PRKG2: variants seen among roughly 807,000 people sequenced by gnomAD.
The protein encoded by PRKG2 is protein kinase cGMP-dependent 2.
A neutral mutation model predicts 97.2 loss-of-function variants in PRKG2; 33 were observed. That is an observed-to-expected ratio of 0.34 (90% CI 0.26 to 0.45). The LOEUF (loss-of-function observed/expected upper bound fraction) is 0.45. PRKG2 is among the 20% of genes least tolerant of loss of function. The pLI is 1.00. For missense variants in PRKG2, 638 were observed against 900.0 expected, an observed-to-expected ratio of 0.71 and a Z score of 3.73; for synonymous variants, 330 against 321.8, an observed-to-expected ratio of 1.03 and a Z score of -0.27.
At chr4:81,140,812 T>C in intron 11 of PRKG2, 143 bp from the exon 12 acceptor site, 1 of 586,780 alleles carries the variant, frequency 1.7e-6, no homozygotes, top group Non-Finnish European at 2.8e-6. Flanking sequence ...CATTCAAGTG[T>C]ACACACTTCC....
chr4:81,216,982 A>G (rs1376918979), upstream of PRKG2, among the ~76,000 whole-genome samples: 4 of 145,674 alleles, frequency 2.7e-5, no homozygotes, highest in Non-Finnish European at 6.0e-5. Context: ...GGTGATAGGT[A>G]CACAGTGTAT....
intron 1 of PRKG2, among the ~76,000 whole-genome samples, chr4:81,206,411 T>C (rs1753655271): frequency 6.6e-6 from 1 of 152,196 alleles, no homozygotes; most frequent in Non-Finnish European, 1.5e-5. Flanking sequence ...TCTCATGAGA[T>C]CTGATGGTTT....
At chr4:81,146,091 T>C (rs1747833720) in intron 9 of PRKG2, among the ~76,000 whole-genome samples, 1 of 152,200 alleles carries the variant, frequency 6.6e-6, no homozygotes, top group Non-Finnish European at 1.5e-5. Flanking sequence ...AATTTTCTAA[T>C]CTCCAATAGT....
intron 1 of PRKG2, among the ~76,000 whole-genome samples, chr4:81,210,081 T>C (rs1753888777): frequency 6.6e-6 from 1 of 152,002 alleles, no homozygotes; most frequent in Admixed American, 6.6e-5. Flanking sequence ...AAAAATTAGC[T>C]TAAAATGGAT....
At chr4:81,142,980 C>T (rs979119112) in intron 10 of PRKG2, 33 bp from the exon 11 acceptor site, 4 of 1,563,696 alleles carry the variant, frequency 2.6e-6, no homozygotes, top group Middle Eastern at 1.7e-4. Context: ...TACACACACA[C>T]ACCCATAATT....
At chr4:81,147,053 T>C (rs1272439409) in intron 9 of PRKG2, among the ~76,000 whole-genome samples, 1 of 152,218 alleles carries the variant, frequency 6.6e-6, no homozygotes, top group Non-Finnish European at 1.5e-5. Context: ...TGTCTCATTG[T>C]GCCTAATGCA....
In PRKG2 at chr4:81,153,554, A is replaced by T. The variant is rs113584268; in HGVS notation, c.990+90T>A. 39 of 968,882 alleles carry T rather than the reference A, an allele frequency of 4.0e-5. No individual in the cohort carries two copies. In the African/African-American group the frequency reaches 5.6e-4, roughly 14 times the overall value. The allele number at this position is 968,882 out of a possible 1,614,324, so 60.0% of individuals were successfully genotyped here. On this transcript the variant is annotated intron_variant, in intron 7 of 18. Transcript: ENST00000264399. ...CTCCTTTATCTGTCCAAAGTGGAGG[A>T]CCTATGTTGCAATGCAAAGCATAGT...
intron 9 of PRKG2, 132 bp from the exon 10 acceptor site, chr4:81,144,462 T>C (rs1197823220): frequency 1.5e-6 from 1 of 685,788 alleles, no homozygotes; most frequent in Middle Eastern, 3.6e-4. Context: ...ATTTATGAAA[T>C]ATTGAAGTTG....
intron 6 of PRKG2, among the ~76,000 whole-genome samples, 176 bp downstream of exon 6, chr4:81,166,985 C>T (rs187082452): frequency 6.6e-6 from 1 of 152,100 alleles, no homozygotes; most frequent in African/African-American, 2.4e-5. Context: ...GAGTTTAAAC[C>T]TTTCTCCACC....
At chr4:81,091,273 T>TTTATTATTATTA (rs3042593) in intron 18 of PRKG2, among the ~76,000 whole-genome samples, 1 of 151,398 alleles carries the variant, frequency 6.6e-6, no homozygotes, top group African/African-American at 2.4e-5. Context: ...CAGTAGTGTT[T>TTTATTATTATTA]TTATTATTAT....
chr4:81,135,998 G>A (rs943787347), intron 13 of PRKG2, among the ~76,000 whole-genome samples: 11 of 151,992 alleles, frequency 7.2e-5, no homozygotes, highest in Admixed American at 2.6e-4. Context: ...AAAAAGGTTT[G>A]ATACTCACTT....
intron 11 of PRKG2, among the ~76,000 whole-genome samples, chr4:81,141,873 C>A (rs1368916787): frequency 6.6e-6 from 1 of 152,162 alleles, no homozygotes; most frequent in African/African-American, 2.4e-5. Context: ...TCTGTCCCTG[C>A]CCCCATCAGA....
chr4:81,168,952 C>A (rs1339973885), intron 5 of PRKG2, among the ~76,000 whole-genome samples: 1 of 151,760 alleles, frequency 6.6e-6, no homozygotes, highest in East Asian at 1.9e-4. Context: ...GAATGTATTG[C>A]AGCTTCAGAA....
At chr4:81,141,215 T>C (rs988491271) in intron 11 of PRKG2, among the ~76,000 whole-genome samples, 1 of 152,082 alleles carries the variant, frequency 6.6e-6, no homozygotes, top group Admixed American at 6.5e-5. Context: ...CTCACTATGT[T>C]GCTCAGGCTA....
chr4:81,110,394 G>A, intron 15 of PRKG2, 54 bp downstream of exon 15: 1 of 1,550,546 alleles, frequency 6.4e-7, no homozygotes, highest in Non-Finnish European at 8.7e-7. Context: ...CACTAGTTAG[G>A]TTATTTTTGC....
At chr4:81,107,155 T>G (rs1743429336) in intron 15 of PRKG2, among the ~76,000 whole-genome samples, 2 of 152,052 alleles carry the variant, frequency 1.3e-5, no homozygotes, top group Admixed American at 1.3e-4. Context: ...AAGACGGAGT[T>G]GGGGTGGTGT....
chr4:81,157,202 AAGAG>A (rs1363755494), intron 6 of PRKG2, among the ~76,000 whole-genome samples: 4 of 152,216 alleles, frequency 2.6e-5, no homozygotes, highest in African/African-American at 4.8e-5. Flanking sequence ...TAAAGAAAAA[AAGAG>A]AGAAGAATCA....
chr4:81,189,066 T>TAAAAAAAAAAAAAAAAAAAAAAAAAAAAA, intron 2 of PRKG2, among the ~76,000 whole-genome samples: 1 of 17,054 alleles, frequency 5.9e-5, no homozygotes, highest in Non-Finnish European at 7.7e-5. Flanking sequence ...AAAAAAATAA[T>TAAAAAAAAAAAAAAAAAAAAAAAAAAAAA]AAAAAAAAAA....
intron 1 of PRKG2, among the ~76,000 whole-genome samples, chr4:81,208,611 A>G (rs1185023342): frequency 6.6e-6 from 1 of 151,966 alleles, no homozygotes; most frequent in East Asian, 1.9e-4. Context: ...TCTTGTTGAG[A>G]TGGGGTCTTG....
Sources: gnomAD v4.1 joint callset for allele counts (sites outside exome capture counted in the v4.1 genomes callset) on GRCh38, gnomAD v4.1.1 for gene constraint, MANE v1.5 for transcripts, NCBI Gene and HGNC (gene_info 2026-07-23, HGNC 2026-07-21) for gene names.